The following PTPN4 variants were observed in gnomAD, a reference collection of about 807,000 sequenced individuals.
The protein encoded by PTPN4 is tyrosine-protein phosphatase non-receptor type 4.
PTPN4 carries 49 observed loss-of-function variants against 135.5 expected under a neutral mutation model. The ratio of observed to expected loss-of-function variants is 0.36; its 90% CI spans 0.29 to 0.46. PTPN4 has a LOEUF of 0.46. Ranked by LOEUF, PTPN4 falls within the 20% of genes least tolerant of loss-of-function variation. PTPN4 has a pLI of 1.00. For missense variants in PTPN4, 860 were observed against 1,101.0 expected (o/e 0.78, Z 3.10); for synonymous variants, 333 against 369.9 (o/e 0.90, Z 1.14).
intron 2 of PTPN4, among the ~76,000 whole-genome samples, chr2:119,822,579 G>C (rs1046038214): frequency 4.6e-5 from 7 of 151,974 alleles, no homozygotes; most frequent in African/African-American, 4.8e-5. Context: ...GGTTGGTCTC[G>C]ATCTCCTCAC....
intron 2 of PTPN4, among the ~76,000 whole-genome samples, chr2:119,813,522 C>T (rs950051933): frequency 1.3e-5 from 2 of 151,810 alleles, no homozygotes; most frequent in African/African-American, 4.8e-5. Flanking sequence ...GCTAGGATTA[C>T]AGGCATGAGC....
intron 1 of PTPN4, among the ~76,000 whole-genome samples, chr2:119,781,310 G>A (rs1462715781): frequency 6.6e-6 from 1 of 152,074 alleles, no homozygotes; most frequent in Non-Finnish European, 1.5e-5. Flanking sequence ...TGACTTCTAG[G>A]TTCTAGTGGA....
At chr2:119,903,129 A>G (rs1373478254) in intron 10 of PTPN4, among the ~76,000 whole-genome samples, 1 of 152,134 alleles carries the variant, frequency 6.6e-6, no homozygotes, top group East Asian at 1.9e-4. Context: ...TGGGCAGTGC[A>G]GTGTGCCAGG....
rs141626307 is a variant in PTPN4 at position 119,892,031 on chromosome 2, T to C, written c.675+6149T>C. Among the ~76,000 whole-genome samples the C allele has an allele frequency of 5.7e-3, 865 of 152,320 alleles. 3 individuals are homozygous for C. Among genetic ancestry groups the C allele is most frequent in the Middle Eastern group, 0.014 (4 of 294 alleles). On this transcript the variant is annotated intron_variant, in intron 9 of 26. Transcript: ENST00000263708. Reference sequence around the variant, plus strand: ...AGTAATATGGTCTCATTTATAGATATCGTAGACATAGCAGTGAGTAAAGTA... The same window carrying C: ...AGTAATATGGTCTCATTTATAGATACCGTAGACATAGCAGTGAGTAAAGTA...
intron 15 of PTPN4, 140 bp downstream of exon 15, chr2:119,935,098 C>G: frequency 1.0e-6 from 1 of 994,304 alleles, no homozygotes; most frequent in Non-Finnish European, 1.4e-6. Context: ...TGCAATTATG[C>G]TCATTTGTTC....
intron 2 of PTPN4, among the ~76,000 whole-genome samples, chr2:119,829,621 A>G (rs1677191932): frequency 6.6e-6 from 1 of 152,186 alleles, no homozygotes; most frequent in Non-Finnish European, 1.5e-5. Context: ...TAATGTTTTC[A>G]AGGAAGCATG....
chr2:119,866,852 A>G (rs977628331), intron 3 of PTPN4, among the ~76,000 whole-genome samples: 1 of 152,090 alleles, frequency 6.6e-6, no homozygotes, highest in Non-Finnish European at 1.5e-5. Context: ...TTATCTATTC[A>G]TATGTTTCCA....
At chr2:119,872,389 A>G (rs1189545638) in intron 3 of PTPN4, among the ~76,000 whole-genome samples, 1 of 152,240 alleles carries the variant, frequency 6.6e-6, no homozygotes, top group Non-Finnish European at 1.5e-5. Flanking sequence ...GAGTAATGGC[A>G]GGTATTACAG....
chr2:119,927,100 C>T (rs1678836033), intron 13 of PTPN4, among the ~76,000 whole-genome samples: 1 of 148,368 alleles, frequency 6.7e-6, no homozygotes, highest in Admixed American at 6.7e-5. Flanking sequence ...TAGGGTCTGT[C>T]ATAGCCAATT....
intron 15 of PTPN4, among the ~76,000 whole-genome samples, chr2:119,940,135 C>T (rs1679040140): frequency 2.0e-5 from 3 of 152,178 alleles, no homozygotes; most frequent in South Asian, 2.1e-4. Flanking sequence ...GAATAGATTC[C>T]TACTGTTAAA....
At chr2:119,793,844 T>C (rs553920443) in intron 1 of PTPN4, among the ~76,000 whole-genome samples, 1 of 118,000 alleles carries the variant, frequency 8.5e-6, no homozygotes, top group South Asian at 3.0e-4. Flanking sequence ...GTTTCATTTT[T>C]AGTTTTTTTT....
intron 2 of PTPN4, among the ~76,000 whole-genome samples, chr2:119,831,935 A>C (rs114100243): frequency 2.3e-3 from 346 of 152,306 alleles, no homozygotes; most frequent in African/African-American, 7.8e-3. Flanking sequence ...TGACTACGTC[A>C]TAGTAAGTTC....
At chr2:119,967,435 A>G (rs762421285) in intron 25 of PTPN4, among the ~76,000 whole-genome samples, 1 of 151,538 alleles carries the variant, frequency 6.6e-6, no homozygotes, top group East Asian at 1.9e-4. Flanking sequence ...GGCGTGAGCG[A>G]GATTCCGTCT....
At chr2:119,888,277 T>A (rs1678189299) in intron 9 of PTPN4, among the ~76,000 whole-genome samples, 1 of 152,102 alleles carries the variant, frequency 6.6e-6, no homozygotes, top group Admixed American at 6.5e-5. Context: ...AGATATAAGA[T>A]CATATCATCA....
intron 10 of PTPN4, among the ~76,000 whole-genome samples, chr2:119,914,202 T>C (rs930183649): frequency 2.0e-5 from 3 of 151,356 alleles, no homozygotes; most frequent in African/African-American, 7.3e-5. Context: ...ATTTTTTGAA[T>C]TGAGGCACCT....
chr2:119,811,055 A>G (rs1468238322), intron 2 of PTPN4, among the ~76,000 whole-genome samples: 1 of 151,930 alleles, frequency 6.6e-6, no homozygotes, highest in East Asian at 1.9e-4. Flanking sequence ...AATATAAAAT[A>G]TGAATCTTAC....
At chr2:119,765,271 AG>A (rs1287513506) in intron 1 of PTPN4, among the ~76,000 whole-genome samples, 4 of 152,224 alleles carry the variant, frequency 2.6e-5, no homozygotes, top group African/African-American at 9.6e-5. Flanking sequence ...AAAGCCACCA[AG>A]GTCAATGAAT....
intron 2 of PTPN4, among the ~76,000 whole-genome samples, chr2:119,842,954 G>A (rs1016817430): frequency 6.6e-6 from 1 of 152,112 alleles, no homozygotes; most frequent in Non-Finnish European, 1.5e-5. Context: ...TATTATATAT[G>A]ATGTTAGCTG....
intron 2 of PTPN4, among the ~76,000 whole-genome samples, chr2:119,823,480 G>T (rs540234503): frequency 6.6e-6 from 1 of 152,060 alleles, no homozygotes; most frequent in Non-Finnish European, 1.5e-5. Flanking sequence ...TGATCCACCC[G>T]CCTCGGCCTC....
Sources: gnomAD v4.1 joint callset for allele counts (sites outside exome capture counted in the v4.1 genomes callset) on GRCh38, gnomAD v4.1.1 for gene constraint, MANE v1.5 for transcripts, NCBI Gene and HGNC (gene_info 2026-07-23, HGNC 2026-07-21) for gene names.